Variants in FAM149B1 observed in about 807,000 individuals in gnomAD.
FAM149B1 encodes primary cilium assembly protein FAM149B1.
FAM149B1 carries 56 observed loss-of-function variants against 75.3 expected under a neutral mutation model. The ratio of observed to expected loss-of-function variants is 0.74; its 90% CI spans 0.60 to 0.93. FAM149B1 has a LOEUF of 0.93. Ranked by LOEUF, FAM149B1 falls within the 40% of genes least tolerant of loss-of-function variation. The pLI, the probability that FAM149B1 is intolerant of heterozygous loss-of-function variation, is 0.00. For synonymous variants in FAM149B1, 259 were observed against 256.1 expected (o/e 1.01, Z -0.11); for missense variants, 639 against 708.4 (o/e 0.90, Z 1.11).
At chr10:73,215,659 C>A (rs2043283032) in intron 7 of FAM149B1, among the ~76,000 whole-genome samples, 1 of 152,004 alleles carries the variant, frequency 6.6e-6, no homozygotes, top group South Asian at 2.1e-4. Context: ...TCAATTTTTT[C>A]ATTGACCCAG....
chr10:73,241,011 G>A lies in FAM149B1; in HGVS notation c.1741G>A (p.Gly581Arg). 6.5e-7 allele frequency: 1 copy of A among 1,533,214 alleles called. No homozygotes were observed. The highest frequency in any genetic ancestry group is 1.2e-5 in the South Asian group (1 of 83,532). The allele number at this position is 1,533,214 out of a possible 1,614,324, so 95.0% of individuals were successfully genotyped here. A position where few individuals can be genotyped will look rare whatever the true frequency, so the allele number is the denominator to read the frequency against. ...CAGACCAGTCTCTCGAACCAGGCAG[G>A]GACCATAAGGCAAATGAGAAGAATC... ...GGRPVSRTRQ[G>R]P The change falls in exon 14 of 14, where the codon GGA becomes AGA. Residue 581 changes from glycine (G) to arginine (R), a missense_variant. Transcript: ENST00000242505.
intron 12 of FAM149B1, among the ~76,000 whole-genome samples, chr10:73,238,332 G>A (rs1265081402): frequency 6.6e-6 from 1 of 152,188 alleles, no homozygotes; most frequent in African/African-American, 2.4e-5. Flanking sequence ...GGGCGACAGA[G>A]CGAGAAGACT....
At chr10:73,192,821 C>A in intron 4 of FAM149B1, 123 bp downstream of exon 4, 2 of 926,166 alleles carry the variant, frequency 2.2e-6, no homozygotes, top group Non-Finnish European at 3.1e-6. Flanking sequence ...GTAAATAAGG[C>A]CATGTGGTAT....
In FAM149B1 at chr10:73,215,100, C is replaced by T. The variant is rs558033934; in HGVS notation, c.898+4662C>T. Among the ~76,000 whole-genome samples, 23 of 152,082 alleles carry T rather than the reference C, an allele frequency of 1.5e-4. 1 individual carries two copies. The East Asian group carries it at 2.3e-3, about 15-fold the overall frequency. Reference sequence around the variant, plus strand: ...TGATCTCGGCTCACTGCAGCCTCTGCGCCTCTGCCTCCCAGGTTCAAGCCA... The same window carrying T: ...TGATCTCGGCTCACTGCAGCCTCTGTGCCTCTGCCTCCCAGGTTCAAGCCA... On this transcript the variant is annotated intron_variant, in intron 7 of 13. Transcript: ENST00000242505.
chr10:73,190,432 T>C (rs543748130), intron 3 of FAM149B1, among the ~76,000 whole-genome samples: 1 of 151,884 alleles, frequency 6.6e-6, no homozygotes, highest in Admixed American at 6.6e-5. Flanking sequence ...GCTTCCTGAT[T>C]GATTCACTGC....
intron 5 of FAM149B1, chr10:73,199,712 T>C (rs1273764511): frequency 6.6e-6 from 1 of 152,302 alleles, no homozygotes; most frequent in Non-Finnish European, 1.5e-5. Flanking sequence ...ATTATATAAA[T>C]TAAAGGTTAT....
intron 12 of FAM149B1, among the ~76,000 whole-genome samples, chr10:73,235,732 G>C (rs2043805721): frequency 1.3e-5 from 2 of 152,260 alleles, no homozygotes; most frequent in Middle Eastern, 3.4e-3. Flanking sequence ...GCAGGCTCTT[G>C]CCATGTTGCC....
At chr10:73,227,935 G>T in intron 7 of FAM149B1, 125 bp from the exon 8 acceptor site, 1 of 1,023,900 alleles carries the variant, frequency 9.8e-7, no homozygotes. Flanking sequence ...GCATAAAATT[G>T]TACTGCAAAG....
chr10:73,168,279 C>A lies in FAM149B1; in HGVS notation c.-61C>A. 2 of 1,535,230 alleles carry A rather than the reference C, an allele frequency of 1.3e-6. No individual in the cohort carries two copies. The highest frequency in any genetic ancestry group is 1.2e-5 in the South Asian group (1 of 83,418). On this transcript the variant is annotated 5_prime_UTR_variant, in exon 1 of 14. Coordinates refer to ENST00000242505, the MANE Select transcript of FAM149B1 (RefSeq NM_173348.2). ...CGGGAGGGCCAGGCCCGGAGGCCCC[C>A]ACCCTGGCGTGCCTGCCCCGGCCGC...
rs115858475 is a variant in FAM149B1, at chr10:73,203,931, G to A, written c.543-4688G>A. Among the ~76,000 whole-genome samples, 427 of 152,020 alleles carry A rather than the reference G, an allele frequency of 2.8e-3. 1 individual carries two copies. Among genetic ancestry groups the A allele is most frequent in the African/African-American group, 9.9e-3 (409 of 41,482 alleles). ...GCAGAGATTACAGGAATGAACCACC[G>A]TGCCCCACCAATCATAATTCTTATA... On this transcript the variant is annotated intron_variant, in intron 5 of 13. Coordinates refer to ENST00000242505, the MANE Select transcript of FAM149B1 (RefSeq NM_173348.2).
chr10:73,175,669 C>CA (rs779685127), intron 2 of FAM149B1, among the ~76,000 whole-genome samples: 983 of 64,440 alleles, frequency 0.015, 10 homozygotes, highest in Non-Finnish European at 0.028. Flanking sequence ...GACTCCTTCT[C>CA]AAAAAAAAAA....
chr10:73,184,961 T>C (rs926372560), intron 3 of FAM149B1, among the ~76,000 whole-genome samples: 2 of 152,148 alleles, frequency 1.3e-5, no homozygotes, highest in African/African-American at 4.8e-5. Context: ...GCTGTTTCTT[T>C]GAAAAGAAGT....
Position 73,228,163 on chromosome 10 carries a change from G to A in FAM149B1, c.1002G>A (p.Val334=), listed in dbSNP as rs761930772. The change falls in exon 8 of 14, where the codon GTG becomes GTA. Residue 334 remains valine, a synonymous_variant. Coordinates refer to ENST00000242505, the MANE Select transcript of FAM149B1 (RefSeq NM_173348.2). ...TACCGCGAGTGCCACAGTCTAAGGT[G>A]CTGTACATTACCTCAAATCCGGTAA... ...LVLPRVPQSK[V]LYITSNPMSL... 1 of 1,551,600 alleles carries A rather than the reference G, an allele frequency of 6.4e-7. No individual in the cohort carries two copies. The highest frequency in any genetic ancestry group is 8.7e-7 in the Non-Finnish European group (1 of 1,146,932).
rs562260580 is a variant in FAM149B1, at chr10:73,195,696, C to G, written c.542+2103C>G. 2.1e-3 allele frequency among the ~76,000 whole-genome samples: 322 copies of G among 152,278 alleles called. 1 individual carries two copies. Among genetic ancestry groups the G allele is most frequent in the Middle Eastern group, 0.017 (5 of 294 alleles). On this transcript the variant is annotated intron_variant, in intron 5 of 13. Coordinates refer to ENST00000242505, the MANE Select transcript of FAM149B1 (RefSeq NM_173348.2). ...ACCATTCTGCAACATACTGCTAATA[C>G]CCTTTCTTTCCTTTTTACTTGCTAC...
At position 73,208,688 on chromosome 10, in the gene FAM149B1, A is replaced by G. The variant is rs1038890349; in HGVS notation, c.612A>G (p.Lys204=). 12 of 1,549,068 alleles carry G rather than the reference A, an allele frequency of 7.7e-6. No homozygotes were observed. The African/African-American group carries it at 1.5e-4, about 19-fold the overall frequency. The change falls in exon 6 of 14, where the codon AAA becomes AAG. Residue 204 remains lysine, a synonymous_variant. Coordinates refer to ENST00000242505, the MANE Select transcript of FAM149B1 (RefSeq NM_173348.2). ...SYAHKASSIA[K]SSSFCSMERD... is the part of the protein sequence containing the mutation. Reference sequence around the variant, plus strand: ...CTCATAAAGCATCTTCCATTGCCAAATCCTCCAGCTTTTGTTCTATGGAAA... The same window carrying G: ...CTCATAAAGCATCTTCCATTGCCAAGTCCTCCAGCTTTTGTTCTATGGAAA...
intron 8 of FAM149B1, 110 bp downstream of exon 8, chr10:73,228,294 ACAGTT>A (rs2043602954): frequency 1.2e-6 from 1 of 856,126 alleles, no homozygotes; most frequent in Non-Finnish European, 1.9e-6. Flanking sequence ...ATGTTTTAGT[ACAGTT>A]ATGTGTTTAT....
Position 73,234,860 on chromosome 10 carries a change from CT to C in FAM149B1, c.1397del (p.Leu466ArgfsTer18). 6.4e-7 allele frequency: 1 copy of C among 1,551,474 alleles called. No homozygotes were observed. The highest frequency in any genetic ancestry group is 8.7e-7 in the Non-Finnish European group (1 of 1,146,778). ...DSLSSPSPTPLSRNNLLPPIG... is the reference protein window; with the variant it reads ...DSLSSPSPTPXSRNNLLPPIG... ...GCTCTCCTCTCCCTCACCGACGCCC[CT>C]GAGTCGAAATAATCTGCTACCACCT... On this transcript the variant is annotated frameshift_variant, in exon 11 of 14. Transcript: ENST00000242505. LOFTEE classifies it high-confidence loss of function.
intron 3 of FAM149B1, among the ~76,000 whole-genome samples, chr10:73,189,833 AAT>A (rs1420111076): frequency 1.3e-5 from 2 of 152,222 alleles, no homozygotes; most frequent in Admixed American, 6.5e-5. Context: ...TGTACACTTA[AAT>A]GTGCATTTTG....
At chr10:73,180,304 G>T (rs758391587) in intron 3 of FAM149B1, among the ~76,000 whole-genome samples, 4 of 152,170 alleles carry the variant, frequency 2.6e-5, no homozygotes, top group Non-Finnish European at 5.9e-5. Context: ...GAAAGTGTTT[G>T]GTGTATTCTT....
Sources: allele counts gnomAD v4.1 joint callset (sites outside exome capture counted in the v4.1 genomes callset), GRCh38; gene constraint gnomAD v4.1.1; transcripts MANE v1.5; gene names NCBI Gene and HGNC (gene_info 2026-07-23, HGNC 2026-07-21).